HIPK2: variants seen among roughly 807,000 people sequenced by gnomAD.
The protein encoded by HIPK2 is homeodomain-interacting protein kinase 2.
HIPK2 carries 27 observed loss-of-function variants against 113.7 expected under a neutral mutation model. That is an observed-to-expected ratio of 0.24 (90% CI 0.17 to 0.33). The LOEUF is 0.33. Ranked by LOEUF, HIPK2 falls within the 10% of genes least tolerant of loss-of-function variation. The pLI is 1.00. For missense variants in HIPK2, 1,257 were observed against 1,588.0 expected (o/e 0.79, Z 3.54); for synonymous variants, 631 against 642.2 (o/e 0.98, Z 0.26).
At position 139,564,502 on chromosome 7, in the gene HIPK2, A is replaced by G. The variant is rs1037371684; in HGVS notation, c.*8425T>C. The G allele has an allele frequency of 1.3e-5, 2 of 152,230 alleles. No homozygotes were observed. The highest frequency in any genetic ancestry group is 4.8e-5 in the African/African-American group (2 of 41,456). 9.4% of individuals were successfully genotyped at this position (152,230 alleles called of 1,614,324 possible). On this transcript the variant is annotated 3_prime_UTR_variant, in exon 15 of 15. Coordinates refer to ENST00000406875, the MANE Select transcript of HIPK2 (RefSeq NM_022740.5). ...GGCCTTGAAGACAAGTGTTTAGACG[A>G]CACGCATGAGACCTTCGCATCTGGC... is the stretch of plus-strand genomic sequence containing the variant.
chr7:139,631,595 G>T lies in HIPK2; in HGVS notation c.1227+7C>A. 1 of 1,613,250 alleles carries T rather than the reference G, an allele frequency of 6.2e-7. No homozygotes were observed. The highest frequency in any genetic ancestry group is 8.5e-7 in the Non-Finnish European group (1 of 1,179,662). On this transcript the variant is annotated splice_region_variant and intron_variant, in intron 3 of 14. Transcript: ENST00000406875. This position sits in a 1 kb window ranked among gnomAD's most constrained non-coding sequence, Gnocchi z 4.9. ...GTCTTGTGAATATCTGTGTCATCTG[G>T]ACCCACCTGATCATACTCCGAAGCT...
chr7:139,626,570 C>T, intron 6 of HIPK2, 31 bp downstream of exon 6: 1 of 1,599,018 alleles, frequency 6.3e-7, no homozygotes, highest in Non-Finnish European at 8.5e-7. Flanking sequence ...TTTGCCGATC[C>T]CTGGTACGAA....
intron 2 of HIPK2, among the ~76,000 whole-genome samples, chr7:139,696,990 G>A (rs1794586173): frequency 6.6e-6 from 1 of 152,206 alleles, no homozygotes; most frequent in Non-Finnish European, 1.5e-5. Context: ...ACACACGAGG[G>A]TAGTCAGTTG....
intron 2 of HIPK2, among the ~76,000 whole-genome samples, chr7:139,632,497 A>G (rs1033181620): frequency 1.2e-4 from 18 of 152,186 alleles, no homozygotes; most frequent in Non-Finnish European, 2.2e-4. Flanking sequence ...AAGTTACCTA[A>G]TATTACAATT....
intron 2 of HIPK2, among the ~76,000 whole-genome samples, chr7:139,715,102 C>G (rs911932324): frequency 2.6e-5 from 4 of 152,200 alleles, no homozygotes; most frequent in African/African-American, 9.6e-5. Flanking sequence ...TACAGGGGTC[C>G]CTGAAAAGCT....
At chr7:139,747,467 G>A (rs573456849) in intron 1 of HIPK2, among the ~76,000 whole-genome samples, 6 of 152,184 alleles carry the variant, frequency 3.9e-5, no homozygotes, top group Admixed American at 1.3e-4. Flanking sequence ...CAGAGACCCA[G>A]CTTCCTGGCT....
chr7:139,632,506 T>C (rs2116901836), intron 2 of HIPK2, among the ~76,000 whole-genome samples: 1 of 152,354 alleles, frequency 6.6e-6, no homozygotes, highest in African/African-American at 2.4e-5. Context: ...AATATTACAA[T>C]TATAGAACCC....
intron 2 of HIPK2, among the ~76,000 whole-genome samples, chr7:139,652,423 G>C (rs1187301081): frequency 6.6e-6 from 1 of 152,172 alleles, no homozygotes; most frequent in Non-Finnish European, 1.5e-5. Context: ...TATTTATTGA[G>C]CTCCCAGCAT....
chr7:139,717,729 GTTTT>G (rs57555288), intron 1 of HIPK2, among the ~76,000 whole-genome samples: 20 of 150,482 alleles, frequency 1.3e-4, no homozygotes, highest in Non-Finnish European at 2.7e-4. Flanking sequence ...ATTTCTTTTT[GTTTT>G]TTTTTGTTTG....
At chr7:139,578,658 T>C (rs764367272) in intron 13 of HIPK2, among the ~76,000 whole-genome samples, 10 of 152,232 alleles carry the variant, frequency 6.6e-5, no homozygotes, top group South Asian at 2.1e-4. Flanking sequence ...TGACTTTCTA[T>C]GGAGGACAGC....
rs1362705824 is a variant in HIPK2 at position 139,683,156 on chromosome 7, T to C, written c.1103+32776A>G. ...ATATTTAGCATTACCTGGAAGGGCCTGGCTCTCACCTCGGAGCCTGGACGT... is the reference window on the plus strand; with the variant it reads ...ATATTTAGCATTACCTGGAAGGGCCCGGCTCTCACCTCGGAGCCTGGACGT... On this transcript the variant is annotated intron_variant, in intron 2 of 14. Coordinates refer to ENST00000406875, the MANE Select transcript of HIPK2 (RefSeq NM_022740.5). This position sits in a 1 kb window ranked among gnomAD's most constrained non-coding sequence, Gnocchi z 4.2. 6.6e-6 allele frequency among the ~76,000 whole-genome samples: 1 copy of C among 152,252 alleles called. No individual in the cohort carries two copies. The highest frequency in any genetic ancestry group is 2.4e-5 in the African/African-American group (1 of 41,466).
chr7:139,668,069 C>G (rs184479699), intron 2 of HIPK2, among the ~76,000 whole-genome samples: 1 of 145,810 alleles, frequency 6.9e-6, no homozygotes, highest in East Asian at 2.0e-4. Flanking sequence ...GAGGTTGCAG[C>G]AAGCCGAGAT....
In HIPK2 at chr7:139,604,318, G is replaced by C; in HGVS notation, c.2113-95C>G. ...TTATTCTGTGCCTGGGGTTGTGCTA[G>C]ACATTCTCATGGGTGTGAGAGTGAG... On this transcript the variant is annotated intron_variant, in intron 9 of 14. Transcript: ENST00000406875. The C allele has an allele frequency of 1.3e-5, 19 of 1,506,784 alleles. No homozygotes were observed. In the South Asian group the frequency reaches 2.1e-4, roughly 16 times the overall value. The allele number at this position is 1,506,784 out of a possible 1,614,324, so 93.3% of individuals were successfully genotyped here.
chr7:139,724,222 A>G (rs1227912255), intron 1 of HIPK2, among the ~76,000 whole-genome samples: 2 of 152,214 alleles, frequency 1.3e-5, no homozygotes, highest in Admixed American at 6.5e-5. Context: ...CCTGGATGAC[A>G]TGGTGATCTA....
intron 13 of HIPK2, among the ~76,000 whole-genome samples, chr7:139,583,018 A>G (rs1798718203): frequency 6.6e-6 from 1 of 151,892 alleles, no homozygotes; most frequent in African/African-American, 2.4e-5. Flanking sequence ...ATCTAGACAA[A>G]AGCTTCCTGG....
At chr7:139,735,514 T>G (rs1210719990) in intron 1 of HIPK2, among the ~76,000 whole-genome samples, 1 of 152,248 alleles carries the variant, frequency 6.6e-6, no homozygotes, top group Non-Finnish European at 1.5e-5. Flanking sequence ...GAATATCTGC[T>G]GAGCACCTAC....
chr7:139,630,483 C>T lies in HIPK2; in HGVS notation c.1347+682G>A, dbSNP rs180938250. Reference sequence around the variant, plus strand: ...CACAATCTCAGCTCACTGCAACCTCCGCCTCCCAGGTGCAAGTGATTCACG... The same window carrying T: ...CACAATCTCAGCTCACTGCAACCTCTGCCTCCCAGGTGCAAGTGATTCACG... On this transcript the variant is annotated intron_variant, in intron 4 of 14. Transcript: ENST00000406875. This position sits in a 1 kb window ranked among gnomAD's most constrained non-coding sequence, Gnocchi z 4.0. Among the ~76,000 whole-genome samples the T allele has an allele frequency of 4.6e-3, 701 of 152,312 alleles. 7 individuals carry two copies. Among genetic ancestry groups the T allele is most frequent in the African/African-American group, 0.016 (660 of 41,554 alleles).
chr7:139,707,660 C>T (rs1021984063), intron 2 of HIPK2, among the ~76,000 whole-genome samples: 39 of 152,174 alleles, frequency 2.6e-4, no homozygotes, highest in Admixed American at 1.5e-3. Flanking sequence ...ACTGCAGAGC[C>T]GAGGGCACTC....
intron 1 of HIPK2, among the ~76,000 whole-genome samples, chr7:139,776,366 A>G (rs1397852540): frequency 2.6e-5 from 4 of 152,148 alleles, no homozygotes; most frequent in Admixed American, 6.5e-5. Flanking sequence ...TATTCCGGCC[A>G]GAAACCTAAT....
Sources: gnomAD v4.1 joint callset for allele counts (sites outside exome capture counted in the v4.1 genomes callset) on GRCh38, gnomAD v4.1.1 for gene constraint, Gnocchi (gnomAD v3.1) non-coding constraint, MANE v1.5 for transcripts, NCBI Gene and HGNC (gene_info 2026-07-23, HGNC 2026-07-21) for gene names.